Variants in HYLS1 observed in about 807,000 individuals in gnomAD.
HYLS1 encodes the protein HYLS1 centriolar and ciliogenesis associated.
A neutral mutation model predicts 29.4 loss-of-function variants in HYLS1; 25 were observed. The observed-to-expected ratio is 0.85, with a 90% CI of 0.62 to 1.19. The LOEUF is 1.19. Ranked by LOEUF, HYLS1 falls within the 50% of genes most tolerant of loss-of-function variation. HYLS1 has a pLI of 0.00. For synonymous variants in HYLS1, 128 were observed against 126.7 expected (o/e 1.01, Z -0.07); for missense variants, 352 against 365.1 (o/e 0.96, Z 0.29).
chr11:125,896,728 GCTA>G (rs1245024232), intron 2 of HYLS1, among the ~76,000 whole-genome samples: 1 of 152,026 alleles, frequency 6.6e-6, no homozygotes, highest in Admixed American at 6.6e-5. Flanking sequence ...CTTTATATGG[GCTA>G]CTTTTATCTG....
Position 125,899,459 on chromosome 11 carries a change from T to C in HYLS1, c.91T>C (p.Cys31Arg), listed in dbSNP as rs667782. The C allele has an allele frequency of 0.26, 414,063 of 1,613,848 alleles. 54,563 individuals carry two copies. The highest frequency in any genetic ancestry group is 0.37 in the South Asian group (33,911 of 91,066). Residue 31 changes from cysteine to arginine, a missense_variant, in exon 3 of 3, where the codon TGT (cysteine) becomes CGT (arginine). By Grantham distance (180) the Cys-to-Arg change is radical (BLOSUM62 -3). Transcript: ENST00000425380. ...AGCTGCTACAGCTTTTACCCACATC[T>C]GTGCAGGGCAGGGTGAAGGAGATGT... Reference protein sequence around the residue: ...LAAATAFTHICAGQGEGDVRR... With the variant: ...LAAATAFTHIRAGQGEGDVRR...
chr11:125,894,858 T>A (rs1944526396), intron 2 of HYLS1, among the ~76,000 whole-genome samples: 1 of 152,202 alleles, frequency 6.6e-6, no homozygotes, highest in Non-Finnish European at 1.5e-5. Context: ...GAAATTAATG[T>A]CTTTTTACTT....
intron 1 of HYLS1, among the ~76,000 whole-genome samples, chr11:125,889,853 C>T (rs923074410): frequency 6.6e-6 from 1 of 152,134 alleles, no homozygotes; most frequent in Admixed American, 6.5e-5. Flanking sequence ...TTGCCAGCAC[C>T]GGGTACTGAA....
intron 1 of HYLS1, 118 bp downstream of exon 1, chr11:125,887,883 C>T (rs1944335256): frequency 6.7e-6 from 1 of 149,986 alleles, no homozygotes; most frequent in Non-Finnish European, 1.5e-5. Context: ...TGGCAGCTTC[C>T]CTCCGTGGAT....
chr11:125,888,356 G>A (rs1175978337), intron 1 of HYLS1: 1 of 152,260 alleles, frequency 6.6e-6, no homozygotes, highest in Admixed American at 6.5e-5. Flanking sequence ...TATCTTTTTA[G>A]ATTGGTAAGA....
At chr11:125,893,690 C>A in intron 2 of HYLS1, 2 of 918,028 alleles carry the variant, frequency 2.2e-6, no homozygotes, top group East Asian at 2.8e-5. Context: ...AGCTGATCAT[C>A]TGAATTCCTA....
chr11:125,888,776 AAAAAAAAAAAAGAG>A (rs1944356327), intron 1 of HYLS1, among the ~76,000 whole-genome samples: 1 of 124,670 alleles, frequency 8.0e-6, no homozygotes, highest in Non-Finnish European at 1.7e-5. Context: ...TCTCAAAAAA[AAAAAAAAAAAAGAG>A]AAAAGAAAAA....
At chr11:125,886,100 A>G (rs1184480194), upstream of HYLS1, among the ~76,000 whole-genome samples, 1 of 152,202 alleles carries the variant, frequency 6.6e-6, no homozygotes, top group Admixed American at 6.5e-5. Context: ...CCCCTCTCTG[A>G]GCCATGGAAA....
chr11:125,884,760 C>T (rs1161229802), upstream of HYLS1, among the ~76,000 whole-genome samples: 1 of 152,184 alleles, frequency 6.6e-6, no homozygotes, highest in African/African-American at 2.4e-5. Context: ...ATAGAAGCAA[C>T]AAGACTGGTC....
In HYLS1 at chr11:125,900,569, A is replaced by G. The variant is rs1944741515; in HGVS notation, c.*301A>G. The G allele has an allele frequency of 2.6e-6, 1 of 388,400 alleles. No homozygotes were observed. Among genetic ancestry groups the G allele is most frequent in the Non-Finnish European group, 5.0e-6 (1 of 199,916 alleles). 24.1% of individuals were successfully genotyped at this position (388,400 alleles called of 1,614,324 possible). A position where few individuals can be genotyped will look rare whatever the true frequency, so the allele number is the denominator to read the frequency against. ...CCTGTAACTTTTTTTACCTATCAAT[A>G]TGAGTTGCTGTGCTTCAGTGTGTGT... On this transcript the variant is annotated 3_prime_UTR_variant, in exon 3 of 3. Coordinates refer to ENST00000425380, the MANE Select transcript of HYLS1 (RefSeq NM_001134793.2).
chr11:125,895,762 A>G, intron 2 of HYLS1: 2 of 1,604,900 alleles, frequency 1.2e-6, no homozygotes, highest in Non-Finnish European at 1.7e-6. Context: ...CCCCTTGGAA[A>G]CTGAGAGCGA....
Position 125,900,327 on chromosome 11 carries a change from C to A in HYLS1, c.*59C>A. 6.6e-7 allele frequency: 1 copy of A among 1,510,542 alleles called. No individual in the cohort carries two copies. Among genetic ancestry groups the A allele is most frequent in the Non-Finnish European group, 9.2e-7 (1 of 1,088,222 alleles). 93.6% of individuals were successfully genotyped at this position (1,510,542 alleles called of 1,614,324 possible). A position where few individuals can be genotyped will look rare whatever the true frequency, so the allele number is the denominator to read the frequency against. ...GATAACCTAGCTCTTTATATCTTCC[C>A]TTTTAAATAGAAACAACTGTCTTGA... On this transcript the variant is annotated 3_prime_UTR_variant, in exon 3 of 3. Coordinates refer to ENST00000425380, the MANE Select transcript of HYLS1 (RefSeq NM_001134793.2).
chr11:125,896,252 A>G (rs770882321), intron 2 of HYLS1: 5 of 1,612,906 alleles, frequency 3.1e-6, no homozygotes, highest in South Asian at 1.1e-5. Flanking sequence ...GGAGCTTCTC[A>G]GTCTGGTTTC....
chr11:125,884,461 T>C (rs2134221562), upstream of HYLS1, among the ~76,000 whole-genome samples: 1 of 152,092 alleles, frequency 6.6e-6, no homozygotes, highest in East Asian at 1.9e-4. Context: ...TACAAAAAAT[T>C]AGCCGGGTGC....
intron 1 of HYLS1, among the ~76,000 whole-genome samples, chr11:125,890,737 AG>A (rs942069506): frequency 5.9e-5 from 9 of 152,236 alleles, no homozygotes; most frequent in Admixed American, 5.9e-4. Context: ...CCCTCTAAAG[AG>A]AAAGGATTGT....
rs370135175 is a variant in HYLS1 at position 125,900,029 on chromosome 11, C to T, written c.661C>T (p.Arg221Trp). 8.7e-6 allele frequency: 14 copies of T among 1,614,050 alleles called. No homozygotes were observed. Among genetic ancestry groups the T allele is most frequent in the South Asian group, 2.2e-5 (2 of 91,082 alleles). Residue 221 changes from arginine to tryptophan, a missense_variant, in exon 3 of 3, where the codon CGG (arginine) becomes TGG (tryptophan). By Grantham distance (101) the Arg-to-Trp change is moderately radical. Transcript: ENST00000425380. ...DRVARYFEYK[R>W]DWDSIRLPGE... ...GGTAGCCCGGTATTTTGAGTACAAA[C>T]GGGACTGGGACTCAATACGTTTACC...
At chr11:125,895,810 A>G (rs750431749) in intron 2 of HYLS1, 12 of 1,583,668 alleles carry the variant, frequency 7.6e-6, no homozygotes, top group African/African-American at 6.7e-5. Flanking sequence ...AGACAAAGAT[A>G]CTGGGTTTTA....
intron 1 of HYLS1, among the ~76,000 whole-genome samples, chr11:125,889,749 C>CAAT (rs1156400316): frequency 6.6e-6 from 1 of 151,940 alleles, no homozygotes; most frequent in East Asian, 1.9e-4. Context: ...AAAACAACAA[C>CAAT]AATAATAATA....
At chr11:125,886,572 ATTTTTTTTTTT>A (rs68098484), upstream of HYLS1, among the ~76,000 whole-genome samples, 2,101 of 117,408 alleles carry the variant, frequency 0.018, 74 homozygotes, top group Admixed American at 0.086. Flanking sequence ...CAAGCACTAG[ATTTTTTTTTTT>A]TTTTTTTTTT....
Sources: allele counts gnomAD v4.1 joint callset (sites outside exome capture counted in the v4.1 genomes callset), GRCh38; gene constraint gnomAD v4.1.1; transcripts MANE v1.5; gene names NCBI Gene and HGNC (gene_info 2026-07-23, HGNC 2026-07-21).